NTRK3: variants seen among roughly 807,000 people sequenced by gnomAD.
NTRK3 encodes the protein NT-3 growth factor receptor.
In NTRK3, 24 loss-of-function variants were observed where a neutral mutation model predicts 91.7. The ratio of observed to expected loss-of-function variants is 0.26; its 90% CI spans 0.19 to 0.37. The LOEUF (loss-of-function observed/expected upper bound fraction) is 0.37. Ranked by LOEUF, NTRK3 falls within the 10% of genes least tolerant of loss-of-function variation. NTRK3 has a pLI of 1.00. For missense variants in NTRK3, 880 were observed against 1,068.9 expected (o/e 0.82, Z 2.46); for synonymous variants, 483 against 404.0 (o/e 1.20, Z -2.34).
intron 17 of NTRK3, among the ~76,000 whole-genome samples, chr15:87,894,365 T>C (rs941259382): frequency 2.8e-4 from 42 of 152,210 alleles, no homozygotes; most frequent in Admixed American, 2.5e-3. Flanking sequence ...CATAATGGGT[T>C]AGCTACATGT....
intron 6 of NTRK3, among the ~76,000 whole-genome samples, chr15:88,139,790 T>A (rs1206262438): frequency 6.6e-6 from 1 of 152,088 alleles, no homozygotes; most frequent in Non-Finnish European, 1.5e-5. Context: ...TGTGCTGGAC[T>A]TCAAAACTCA....
intron 13 of NTRK3, among the ~76,000 whole-genome samples, chr15:88,075,276 T>G (rs2047438004): frequency 6.6e-6 from 1 of 152,192 alleles, no homozygotes; most frequent in African/African-American, 2.4e-5. Context: ...GGTCAACAAC[T>G]CTATCTGCAT....
At position 88,233,037 on chromosome 15, in the gene NTRK3, C is replaced by T. The variant is rs1201966382; in HGVS notation, c.248+22869G>A. On this transcript the variant is annotated intron_variant, in intron 3 of 18. Coordinates refer to ENST00000394480, the Ensembl canonical transcript of NTRK3. This position sits in a 1 kb window ranked among gnomAD's most constrained non-coding sequence, Gnocchi z 4.2. ...AAGTTTGACTAAAGCTCAGTGTCTT[C>T]GCTTTTATAAATCTCTGCCTCTTAA... 2.0e-5 allele frequency among the ~76,000 whole-genome samples: 3 copies of T among 152,282 alleles called. No individual in the cohort carries two copies. The highest frequency in any genetic ancestry group is 2.1e-4 in the South Asian group (1 of 4,826).
Position 88,109,653 on chromosome 15 carries a change from G to A in NTRK3, c.1396+16618C>T, listed in dbSNP as rs534024462. ...GGTGGGGGGCTGGGCGGGGGGCGTT[G>A]GGAAAGCCCAGGCTGACAGCCTTAG... is the stretch of plus-strand genomic sequence containing the variant. On this transcript the variant is annotated intron_variant, in intron 13 of 18. Transcript: ENST00000394480. Among the ~76,000 whole-genome samples, 3 of 152,290 alleles carry A rather than the reference G, an allele frequency of 2.0e-5. No homozygotes were observed. The East Asian group carries it at 5.8e-4, about 30-fold the overall frequency.
rs143440751 is a variant in NTRK3, at chr15:88,120,375, G to A, written c.1396+5896C>T. ...TTACTTTAAGTACCTATTAACTAAC[G>A]CTAATTTACAATGGAACAGTCCTGC... On this transcript the variant is annotated intron_variant, in intron 13 of 18. Transcript: ENST00000394480. Among the ~76,000 whole-genome samples the A allele has an allele frequency of 3.9e-5, 6 of 152,228 alleles. No individual in the cohort carries two copies. The East Asian group carries it at 5.8e-4, about 15-fold the overall frequency.
At chr15:87,965,197 G>T (rs1465711495) in intron 14 of NTRK3, among the ~76,000 whole-genome samples, 2 of 152,172 alleles carry the variant, frequency 1.3e-5, no homozygotes, top group African/African-American at 4.8e-5. Context: ...CTGGGTGATG[G>T]GATGGTGGAT....
intron 9 of NTRK3, 102 bp from the exon 10 acceptor site, chr15:88,135,499 A>G: frequency 7.5e-7 from 1 of 1,337,918 alleles, no homozygotes; most frequent in South Asian, 1.3e-5. Flanking sequence ...TTCCCCACCC[A>G]CTCTGAAAAG....
chr15:87,876,290 T>C (rs988056729), exon 19 of NTRK3: 1 of 231,630 alleles, frequency 4.3e-6, no homozygotes. Context: ...GATTACACTT[T>C]TTAGAATGGA....
At chr15:88,059,777 A>G (rs943369267) in intron 13 of NTRK3, among the ~76,000 whole-genome samples, 2 of 152,194 alleles carry the variant, frequency 1.3e-5, no homozygotes, top group South Asian at 2.1e-4. Flanking sequence ...GGGCCTCAAA[A>G]TGTAACTGGA....
At chr15:88,076,426 T>C (rs2047549684) in intron 13 of NTRK3, among the ~76,000 whole-genome samples, 1 of 152,122 alleles carries the variant, frequency 6.6e-6, no homozygotes, top group African/African-American at 2.4e-5. Context: ...TAAGTGGGAT[T>C]TCCTCTTTCA....
At chr15:87,979,762 G>A (rs1489263244) in intron 14 of NTRK3, among the ~76,000 whole-genome samples, 1 of 152,110 alleles carries the variant, frequency 6.6e-6, no homozygotes, top group Non-Finnish European at 1.5e-5. Flanking sequence ...ATCTAAGTGG[G>A]TCTCAGTCTA....
chr15:87,863,007 A>G (rs2064567290), exon 19 of NTRK3: 1 of 230,738 alleles, frequency 4.3e-6, no homozygotes, highest in South Asian at 1.8e-4. Context: ...GTTAAAAGGA[A>G]AATGATTGTG....
At chr15:87,901,042 A>G (rs1462749203) in intron 17 of NTRK3, among the ~76,000 whole-genome samples, 1 of 152,144 alleles carries the variant, frequency 6.6e-6, no homozygotes, top group Non-Finnish European at 1.5e-5. Context: ...GCCTCTTGGC[A>G]GTGAAGGGTG....
intron 10 of NTRK3, among the ~76,000 whole-genome samples, chr15:88,132,510 G>C (rs1041373785): frequency 5.3e-5 from 8 of 152,204 alleles, no homozygotes; most frequent in African/African-American, 1.9e-4. Context: ...AGGGGCCACA[G>C]ATGGGACCTG....
At chr15:87,911,130 A>G (rs1423548466) in intron 17 of NTRK3, among the ~76,000 whole-genome samples, 1 of 152,238 alleles carries the variant, frequency 6.6e-6, no homozygotes, top group African/African-American at 2.4e-5. Flanking sequence ...AGATAAACAC[A>G]GTCACAGGGA....
intron 17 of NTRK3, among the ~76,000 whole-genome samples, chr15:87,889,164 T>C (rs2065716548): frequency 6.6e-6 from 1 of 152,174 alleles, no homozygotes; most frequent in Non-Finnish European, 1.5e-5. Flanking sequence ...GCAAGTCATT[T>C]TTCCTACTTA....
chr15:87,913,859 A>G (rs2067263556), intron 17 of NTRK3, among the ~76,000 whole-genome samples: 1 of 152,198 alleles, frequency 6.6e-6, no homozygotes, highest in African/African-American at 2.4e-5. Context: ...TCATGGCTGC[A>G]TTGTGCCCTG....
intron 17 of NTRK3, chr15:87,928,101 T>A (rs1348388516): frequency 6.6e-6 from 1 of 152,420 alleles, no homozygotes; most frequent in Non-Finnish European, 1.5e-5. Flanking sequence ...TGCTTCAACC[T>A]CCCGAGTAGC....
At chr15:87,965,484 G>T (rs1311914688) in intron 14 of NTRK3, among the ~76,000 whole-genome samples, 2 of 152,090 alleles carry the variant, frequency 1.3e-5, no homozygotes, top group Admixed American at 6.5e-5. Context: ...AGTCAATTGT[G>T]GAGACCTCGA....
Sources: gnomAD v4.1 joint callset for allele counts (sites outside exome capture counted in the v4.1 genomes callset) on GRCh38, gnomAD v4.1.1 for gene constraint, Gnocchi (gnomAD v3.1) non-coding constraint, MANE v1.5 for transcripts, NCBI Gene and HGNC (gene_info 2026-07-23, HGNC 2026-07-21) for gene names.